FCRL6: variants seen among roughly 807,000 people sequenced by gnomAD.
The protein encoded by FCRL6 is Fc receptor-like protein 6.
A neutral mutation model predicts 49.1 loss-of-function variants in FCRL6; 50 were observed. The ratio of observed to expected loss-of-function variants is 1.02; its 90% CI spans 0.81 to 1.29. The LOEUF (loss-of-function observed/expected upper bound fraction) is 1.29. FCRL6 is among the 50% of genes most tolerant of loss of function. The pLI is 0.00. For synonymous variants in FCRL6, 213 were observed against 199.6 expected (o/e 1.07, Z -0.57); for missense variants, 571 against 518.5 (o/e 1.10, Z -0.98).
At chr1:159,805,444 C>G (rs1662618176) in intron 1 of FCRL6, among the ~76,000 whole-genome samples, 1 of 152,176 alleles carries the variant, frequency 6.6e-6, no homozygotes, top group South Asian at 2.1e-4. Context: ...ATTGGCTGGA[C>G]TGACTGCACT....
intron 1 of FCRL6, among the ~76,000 whole-genome samples, chr1:159,803,593 C>A (rs1037046501): frequency 6.6e-6 from 1 of 152,094 alleles, no homozygotes; most frequent in Non-Finnish European, 1.5e-5. Context: ...TGGATATACT[C>A]CAGGCAGAAG....
At chr1:159,807,737 G>T (rs1662788325) in intron 2 of FCRL6, among the ~76,000 whole-genome samples, 1 of 152,210 alleles carries the variant, frequency 6.6e-6, no homozygotes, top group African/African-American at 2.4e-5. Flanking sequence ...TGTCACATTA[G>T]GTAGCCACAG....
At chr1:159,813,364 C>T in intron 6 of FCRL6, 125 bp from the exon 7 acceptor site, 2 of 788,810 alleles carry the variant, frequency 2.5e-6, no homozygotes, top group Admixed American at 1.9e-5. Flanking sequence ...TGAACTAGCC[C>T]TCCTAACCAA....
chr1:159,805,299 T>C (rs6666281), intron 1 of FCRL6, among the ~76,000 whole-genome samples: 5,126 of 152,262 alleles, frequency 0.034, 294 homozygotes, highest in African/African-American at 0.12. Flanking sequence ...GATGATACCA[T>C]GTGACAGAGC....
At chr1:159,808,928 C>A in intron 3 of FCRL6, 33 bp from the exon 4 acceptor site, 4 of 1,546,328 alleles carry the variant, frequency 2.6e-6, no homozygotes, top group Non-Finnish European at 3.5e-6. Flanking sequence ...ATCCAGGACT[C>A]CCCTCCTGAG....
chr1:159,811,882 G>A (rs557800231), intron 6 of FCRL6, among the ~76,000 whole-genome samples: 2 of 152,290 alleles, frequency 1.3e-5, no homozygotes, highest in South Asian at 2.1e-4. Context: ...CGGTAATACA[G>A]GTGTTTCTGT....
rs773035930 is a variant in FCRL6, at chr1:159,810,163, T to C, written c.956T>C (p.Leu319Pro). ...TGGCTTCCTGCGAGCCTGCTTGGCC[T>C]GATGGTTATTGCTGCTGCACTTCTG... ...VPWLPASLLG[L>P]MVIAAALLVY... Residue 319 changes from leucine to proline, a missense_variant, in exon 6 of 10, where the codon CTG (leucine) becomes CCG (proline). Physicochemically the swap from Leu to Pro is moderately conservative, Grantham distance 98 (BLOSUM62 -3). Coordinates refer to ENST00000368106, the MANE Select transcript of FCRL6 (RefSeq NM_001004310.3). The C allele has an allele frequency of 6.2e-7, 1 of 1,613,944 alleles. No homozygotes were observed. The highest frequency in any genetic ancestry group is 1.1e-5 in the South Asian group (1 of 91,062).
upstream of FCRL6, chr1:159,800,698 G>A (rs1662272192): frequency 8.3e-7 from 1 of 1,207,804 alleles, no homozygotes. Flanking sequence ...CGAAAAAAAT[G>A]CCTGGCAGTG....
intron 1 of FCRL6, among the ~76,000 whole-genome samples, chr1:159,806,200 TG>T (rs1662665523): frequency 1.3e-5 from 2 of 152,242 alleles, no homozygotes; most frequent in Admixed American, 6.5e-5. Context: ...GATAATACAA[TG>T]GGGCATTGTT....
In FCRL6 at chr1:159,808,358, GTGGC is replaced by G. The variant is rs1193883018; in HGVS notation, c.234_237del (p.Gly79SerfsTer8). ...ATGGGAGCAGCAACAGTGCAGAGCCGTGGCCAGTACAGCTGCTCTGGGCAGGTGA... is the reference window on the plus strand; with the variant it reads ...ATGGGAGCAGCAACAGTGCAGAGCCGCAGTACAGCTGCTCTGGGCAGGTGA... On this transcript the variant is annotated frameshift_variant, in exon 3 of 10. Coordinates refer to ENST00000368106, the MANE Select transcript of FCRL6 (RefSeq NM_001004310.3). LOFTEE classifies it high-confidence loss of function. 6.2e-7 allele frequency: 1 copy of G among 1,614,096 alleles called. No individual in the cohort carries two copies. The highest frequency in any genetic ancestry group is 1.3e-5 in the African/African-American group (1 of 74,942).
At chr1:159,813,359 T>C (rs756754735) in intron 6 of FCRL6, 130 bp from the exon 7 acceptor site, 42 of 734,124 alleles carry the variant, frequency 5.7e-5, no homozygotes, top group East Asian at 7.7e-5. Flanking sequence ...ACCTGTGAAC[T>C]AGCCCTCCTA....
At chr1:159,810,337 G>T (rs1222983707) in intron 6 of FCRL6, 121 bp downstream of exon 6, 17 of 1,241,940 alleles carry the variant, frequency 1.4e-5, no homozygotes, top group Non-Finnish European at 1.6e-5. Flanking sequence ...GGAGTGGCAG[G>T]GGGGACTTCT....
At position 159,809,019 on chromosome 1, in the gene FCRL6, C is replaced by T. The variant is rs1451586568; in HGVS notation, c.378C>T (p.Ser126=). ...CCTCTCCTGAGCCCCGAGAGGGTAG[C>T]CTGGTGACCCTGAGATGTCAGACAA... is the stretch of plus-strand genomic sequence containing the variant. ...AIPSPEPREG[S]LVTLRCQTKL... is the part of the protein sequence containing the mutation. The change falls in exon 4 of 10, where the codon AGC becomes AGT. Residue 126 remains serine, a synonymous_variant. Transcript: ENST00000368106. 6.2e-7 allele frequency: 1 copy of T among 1,614,002 alleles called. No homozygotes were observed. Among genetic ancestry groups the T allele is most frequent in the Non-Finnish European group, 8.5e-7 (1 of 1,179,950 alleles).
At position 159,802,390 on chromosome 1, in the gene FCRL6, A is replaced by T. The variant is rs1323536247; in HGVS notation, c.-35A>T. On this transcript the variant is annotated 5_prime_UTR_variant, in exon 1 of 10. Coordinates refer to ENST00000368106, the MANE Select transcript of FCRL6 (RefSeq NM_001004310.3). ...CCGGCTTCGCCCTGACCTGTTTCTG[A>T]CCTGTGTTCCCTCCGCTGTGCCAGA... is the stretch of plus-strand genomic sequence containing the variant. The T allele has an allele frequency of 1.9e-6, 3 of 1,612,686 alleles. No individual in the cohort carries two copies. Among genetic ancestry groups the T allele is most frequent in the Non-Finnish European group, 2.5e-6 (3 of 1,179,442 alleles).
Position 159,815,448 on chromosome 1 carries a change from G to A in FCRL6, c.1168G>A (p.Val390Met), listed in dbSNP as rs748053161. The part of the protein sequence containing the change: ...RSEARSAEFT[V>M]GRKDSSIICA... ...CACAGCCAGGTCTGCTGAGTTCACC[G>A]TGGGGAGAAAGGTGAGCTGGGATCC... Residue 390 changes from valine (V) to methionine (M), a missense_variant, in exon 9 of 10, where the codon GTG becomes ATG. By Grantham distance (21) the Val-to-Met change is conservative (BLOSUM62 1). Transcript: ENST00000368106. 7.3e-5 allele frequency: 118 copies of A among 1,613,920 alleles called. 1 individual carries two copies. The highest frequency in any genetic ancestry group is 4.5e-4 in the East Asian group (20 of 44,884).
chr1:159,805,872 T>C (rs1662642708), intron 1 of FCRL6, among the ~76,000 whole-genome samples: 1 of 152,236 alleles, frequency 6.6e-6, no homozygotes, highest in Non-Finnish European at 1.5e-5. Context: ...GCCCTTGCTA[T>C]ATGGGTTCTC....
At chr1:159,808,845 C>A in intron 3 of FCRL6, 116 bp from the exon 4 acceptor site, 2 of 1,071,840 alleles carry the variant, frequency 1.9e-6, no homozygotes, top group Non-Finnish European at 2.6e-6. Flanking sequence ...GATGAAACTG[C>A]CTCCCATCGG....
At chr1:159,813,724 G>A (rs1663222264) in intron 7 of FCRL6, among the ~76,000 whole-genome samples, 170 bp downstream of exon 7, 1 of 152,216 alleles carries the variant, frequency 6.6e-6, no homozygotes, top group Non-Finnish European at 1.5e-5. Context: ...CTGTGGAGCT[G>A]GTGGTGGGAG....
At chr1:159,812,872 G>A (rs1361014374) in intron 6 of FCRL6, among the ~76,000 whole-genome samples, 1 of 152,188 alleles carries the variant, frequency 6.6e-6, no homozygotes, top group South Asian at 2.1e-4. Flanking sequence ...AGCACCTGCT[G>A]TTCCAGAGGC....
Sources: allele counts gnomAD v4.1 joint callset (sites outside exome capture counted in the v4.1 genomes callset), GRCh38; gene constraint gnomAD v4.1.1; transcripts MANE v1.5; gene names NCBI Gene and HGNC (gene_info 2026-07-23, HGNC 2026-07-21).